Variants in DGKB observed in about 807,000 individuals in gnomAD.
DGKB encodes diacylglycerol kinase beta.
Under a neutral mutation model 114.3 loss-of-function variants are expected in DGKB, and 67 were observed. That is an observed-to-expected ratio of 0.59 (90% confidence interval 0.48 to 0.72). DGKB has a LOEUF of 0.72. DGKB is among the 30% of genes least tolerant of loss of function. The pLI, the probability that DGKB is intolerant of heterozygous loss-of-function variation, is 0.00. For synonymous variants in DGKB, 398 were observed against 323.1 expected (o/e 1.23, Z -2.49); for missense variants, 907 against 975.2 (o/e 0.93, Z 0.93).
chr7:14,482,103 A>G (rs1318692809), intron 20 of DGKB, among the ~76,000 whole-genome samples: 11 of 151,990 alleles, frequency 7.2e-5, no homozygotes, highest in Non-Finnish European at 1.5e-5. Flanking sequence ...AAGTTTGCTT[A>G]GATTTTCATT....
At chr7:14,288,221 T>TG (rs1584948973) in intron 23 of DGKB, among the ~76,000 whole-genome samples, 2 of 133,448 alleles carry the variant, frequency 1.5e-5, no homozygotes, top group Non-Finnish European at 3.0e-5. Flanking sequence ...GATAATCTGT[T>TG]TTTTTTTTTT....
intron 21 of DGKB, among the ~76,000 whole-genome samples, chr7:14,347,663 T>C (rs1812709544): frequency 6.6e-6 from 1 of 151,926 alleles, no homozygotes; most frequent in African/African-American, 2.4e-5. Flanking sequence ...AAACTTACAG[T>C]TATAAGATAA....
intron 20 of DGKB, among the ~76,000 whole-genome samples, chr7:14,566,957 C>A (rs1797478450): frequency 6.7e-6 from 1 of 149,576 alleles, no homozygotes; most frequent in African/African-American, 2.5e-5. Flanking sequence ...TTTTCTTTCA[C>A]AGCATTTATC....
intron 21 of DGKB, among the ~76,000 whole-genome samples, chr7:14,455,005 C>T (rs1008460962): frequency 7.9e-5 from 12 of 152,084 alleles, no homozygotes; most frequent in East Asian, 3.9e-4. Flanking sequence ...CAGATAGAAC[C>T]GAAGGTTTGT....
At chr7:14,404,452 C>T (rs749373083) in intron 21 of DGKB, among the ~76,000 whole-genome samples, 1 of 151,890 alleles carries the variant, frequency 6.6e-6, no homozygotes, top group Non-Finnish European at 1.5e-5. Flanking sequence ...TTCTACCCAA[C>T]AGCAAATTAG....
intron 2 of DGKB, among the ~76,000 whole-genome samples, chr7:14,771,363 T>C (rs1019846195): frequency 6.6e-6 from 1 of 152,104 alleles, no homozygotes; most frequent in African/African-American, 2.4e-5. Flanking sequence ...CTTTCCCAGT[T>C]TGTCTGCATC....
intron 13 of DGKB, among the ~76,000 whole-genome samples, chr7:14,651,195 A>T (rs1369701126): frequency 6.6e-6 from 1 of 152,190 alleles, no homozygotes; most frequent in Non-Finnish European, 1.5e-5. Flanking sequence ...ACACAACAAA[A>T]AAAGAGAATT....
At chr7:14,755,545 T>C (rs1834750093) in intron 3 of DGKB, among the ~76,000 whole-genome samples, 1 of 152,144 alleles carries the variant, frequency 6.6e-6, no homozygotes, top group Admixed American at 6.6e-5. Context: ...TAGTCATCAG[T>C]GCAAACAACT....
At chr7:14,773,885 T>C (rs551716398) in intron 2 of DGKB, among the ~76,000 whole-genome samples, 22 of 151,900 alleles carry the variant, frequency 1.4e-4, no homozygotes, top group African/African-American at 5.3e-4. Context: ...TGAACCCACA[T>C]TGCCTTTTAA....
intron 21 of DGKB, among the ~76,000 whole-genome samples, chr7:14,346,630 A>C: frequency 6.6e-6 from 1 of 151,968 alleles, no homozygotes; most frequent in East Asian, 1.9e-4. Flanking sequence ...GCAGATATAA[A>C]CAGATGATAG....
chr7:14,278,530 A>T (rs1389479444), intron 23 of DGKB, among the ~76,000 whole-genome samples: 1 of 152,182 alleles, frequency 6.6e-6, no homozygotes, highest in Non-Finnish European at 1.5e-5. Flanking sequence ...ACCTAAAACT[A>T]TACGACTACT....
intron 1 of DGKB, among the ~76,000 whole-genome samples, chr7:14,970,663 T>C (rs1208354508): frequency 6.6e-6 from 1 of 152,120 alleles, no homozygotes; most frequent in Non-Finnish European, 1.5e-5. Context: ...CCCTCTTGTT[T>C]TCATACCCCT....
chr7:14,748,846 T>G (rs1158776971), intron 4 of DGKB, among the ~76,000 whole-genome samples: 1 of 152,194 alleles, frequency 6.6e-6, no homozygotes, highest in Non-Finnish European at 1.5e-5. Flanking sequence ...AACACAAAAA[T>G]GAATCATTCA....
chr7:14,277,968 CA>C (rs1799279600), intron 23 of DGKB, among the ~76,000 whole-genome samples: 1 of 152,174 alleles, frequency 6.6e-6, no homozygotes, highest in Non-Finnish European at 1.5e-5. Flanking sequence ...ACCATTTTAA[CA>C]GACATGAGGT....
chr7:14,303,376 G>A lies in DGKB; in HGVS notation c.2122+35139C>T, dbSNP rs146190903. On this transcript the variant is annotated intron_variant, in intron 23 of 25. Transcript: ENST00000402815. ...TTTAAGAAAGAATGTTTCACCTAAA[G>A]CCATATTCACCTTTCCAGAGTAAAA... Among the ~76,000 whole-genome samples the A allele has an allele frequency of 6.8e-4, 104 of 152,128 alleles. 1 individual carries two copies. The East Asian group carries it at 0.018, about 27-fold the overall frequency.
intron 21 of DGKB, among the ~76,000 whole-genome samples, chr7:14,421,162 C>T (rs774562918): frequency 6.6e-6 from 1 of 152,050 alleles, no homozygotes; most frequent in Non-Finnish European, 1.5e-5. Flanking sequence ...TATTTTGTAA[C>T]CAGGGCTCCT....
At chr7:14,220,878 G>A (rs1562656287) in intron 23 of DGKB, among the ~76,000 whole-genome samples, 1 of 150,832 alleles carries the variant, frequency 6.6e-6, no homozygotes, top group Non-Finnish European at 1.5e-5. Context: ...ATGATGTTTT[G>A]CAGTTTTGAA....
intron 21 of DGKB, among the ~76,000 whole-genome samples, chr7:14,387,487 A>C (rs4721334): frequency 0.58 from 88,234 of 151,078 alleles, 28,124 homozygotes; most frequent in Middle Eastern, 0.73. Flanking sequence ...ATCTGGGTTC[A>C]CTGAAGCCTC....
chr7:14,271,127 T>A (rs1240925515), intron 23 of DGKB, among the ~76,000 whole-genome samples: 1 of 152,212 alleles, frequency 6.6e-6, no homozygotes, highest in African/African-American at 2.4e-5. Context: ...GCAATTTTTT[T>A]AAACTGACTT....
Sources: allele counts gnomAD v4.1 joint callset (sites outside exome capture counted in the v4.1 genomes callset), GRCh38; gene constraint gnomAD v4.1.1; transcripts MANE v1.5; gene names NCBI Gene and HGNC (gene_info 2026-07-23, HGNC 2026-07-21).